The following RBFOX1 variants were observed in gnomAD, a reference collection of about 807,000 sequenced individuals.
The protein encoded by RBFOX1 is RNA binding fox-1 homolog 1, also known as RNA binding protein fox-1 homolog 1.
In RBFOX1, 8 loss-of-function variants were observed where a neutral mutation model predicts 57.7. The ratio of observed to expected loss-of-function variants is 0.14; its 90% confidence interval spans 0.08 to 0.25. The LOEUF is 0.25. RBFOX1 is among the 10% of genes least tolerant of loss of function. The pLI is 1.00. For missense variants in RBFOX1, 611 were observed against 548.5 expected (o/e 1.11, Z -1.14); for synonymous variants, 326 against 222.4 (o/e 1.47, Z -4.15).
chr16:7,343,515 A>C (rs1423411386), intron 4 of RBFOX1, among the ~76,000 whole-genome samples: 1 of 152,202 alleles, frequency 6.6e-6, no homozygotes. Context: ...ACACAGCAGC[A>C]TAAATTCATA....
chr16:6,604,466 A>T (rs1328823439), intron 2 of RBFOX1, among the ~76,000 whole-genome samples: 2 of 152,138 alleles, frequency 1.3e-5, no homozygotes, highest in African/African-American at 2.4e-5. Flanking sequence ...TTATATAAGA[A>T]AGTATCTGTA....
chr16:7,064,763 C>G (rs1252253532), intron 4 of RBFOX1, among the ~76,000 whole-genome samples: 1 of 152,124 alleles, frequency 6.6e-6, no homozygotes, highest in Admixed American at 6.6e-5. Context: ...AATGAACAAC[C>G]AACTAACCAA....
chr16:6,064,655 C>A (rs898001264), intron 1 of RBFOX1, among the ~76,000 whole-genome samples: 7 of 152,108 alleles, frequency 4.6e-5, no homozygotes, highest in African/African-American at 7.2e-5. Context: ...ATTCTCCTGC[C>A]TCAGCCTCCC....
At chr16:6,112,051 A>T (rs1462888632) in intron 1 of RBFOX1, among the ~76,000 whole-genome samples, 1 of 152,184 alleles carries the variant, frequency 6.6e-6, no homozygotes, top group African/African-American at 2.4e-5. Context: ...TATAGATTGA[A>T]TGAAGTATTT....
intron 2 of RBFOX1, among the ~76,000 whole-genome samples, chr16:6,554,098 A>C (rs780345802): frequency 1.2e-4 from 19 of 152,224 alleles, no homozygotes; most frequent in Non-Finnish European, 2.5e-4. Flanking sequence ...TGTCTGTGCA[A>C]AATGAAAATA....
At chr16:7,421,333 A>G (rs545208480) in intron 4 of RBFOX1, among the ~76,000 whole-genome samples, 1 of 152,202 alleles carries the variant, frequency 6.6e-6, no homozygotes, top group South Asian at 2.1e-4. Context: ...CTTCTGGTTG[A>G]TTCTTAAACT....
chr16:5,591,883 C>T (rs545934470), intron 2 of RBFOX1, among the ~76,000 whole-genome samples: 8 of 152,156 alleles, frequency 5.3e-5, no homozygotes, highest in South Asian at 2.1e-4. Context: ...AGCAGACACT[C>T]GAAAAATGGA....
At chr16:7,119,332 C>A (rs76679942) in intron 4 of RBFOX1, among the ~76,000 whole-genome samples, 2,866 of 152,182 alleles carry the variant, frequency 0.019, 31 homozygotes, top group African/African-American at 0.024. Flanking sequence ...ATTGAGTCAT[C>A]AGACTTGTGG....
intron 1 of RBFOX1, among the ~76,000 whole-genome samples, chr16:6,308,645 G>T (rs1341250728): frequency 2.6e-5 from 4 of 152,176 alleles, no homozygotes; most frequent in Non-Finnish European, 5.9e-5. Flanking sequence ...GAGCCAGAGA[G>T]GCAGTTTTTT....
chr16:7,080,059 T>TTATATATATACATATATACATATG (rs2058945324), intron 4 of RBFOX1, among the ~76,000 whole-genome samples: 1 of 135,244 alleles, frequency 7.4e-6, no homozygotes, highest in South Asian at 2.2e-4. Flanking sequence ...TATATACATA[T>TTATATATATACATATATACATATG]TATATATATA....
chr16:7,335,031 C>G (rs897047230), intron 4 of RBFOX1, among the ~76,000 whole-genome samples: 3 of 152,166 alleles, frequency 2.0e-5, no homozygotes, highest in African/African-American at 4.8e-5. Context: ...CAGAGAGAAA[C>G]TGGCTTTACT....
intron 2 of RBFOX1, among the ~76,000 whole-genome samples, chr16:6,612,863 A>AATAATAATAAT (rs1555612744): frequency 1.5e-5 from 2 of 132,242 alleles, no homozygotes; most frequent in African/African-American, 5.8e-5. Flanking sequence ...AAAAAAAAAA[A>AATAATAATAAT]AATAATAATA....
At chr16:6,231,608 C>G (rs2097460821) in intron 1 of RBFOX1, among the ~76,000 whole-genome samples, 1 of 152,180 alleles carries the variant, frequency 6.6e-6, no homozygotes, top group Non-Finnish European at 1.5e-5. Flanking sequence ...ATTGCCTGTT[C>G]TGAATGGTTG....
At chr16:6,866,541 ATTT>A (rs56678526) in intron 3 of RBFOX1, among the ~76,000 whole-genome samples, 1 of 78,876 alleles carries the variant, frequency 1.3e-5, no homozygotes, top group African/African-American at 5.6e-5. Flanking sequence ...CTTTCCTTCT[ATTT>A]TTTTTTTTTT....
At chr16:5,918,233 C>A (rs758188430) in intron 4 of RBFOX1, among the ~76,000 whole-genome samples, 1 of 152,196 alleles carries the variant, frequency 6.6e-6, no homozygotes, top group African/African-American at 2.4e-5. Context: ...GATTCTCCTG[C>A]CTCAGCCTCC....
chr16:5,796,988 A>T (rs1295568776), intron 3 of RBFOX1, among the ~76,000 whole-genome samples: 4 of 152,206 alleles, frequency 2.6e-5, no homozygotes, highest in African/African-American at 9.6e-5. Context: ...GTGCAGGAGA[A>T]CTACAGAAAA....
chr16:7,164,736 G>C (rs1017144140), intron 4 of RBFOX1, among the ~76,000 whole-genome samples: 6 of 152,166 alleles, frequency 3.9e-5, no homozygotes, highest in African/African-American at 1.4e-4. Context: ...ATAGAAGTCT[G>C]TTGTTAAGGT....
rs141982878 is a variant in RBFOX1, at chr16:6,963,381, A to AAC, written c.-15-88663_-15-88662dup. ...ATCGAACCTCTATTTTTAGAATTAAAACACACACACACACTTGAAATAAAA... is the reference window on the plus strand; with the variant it reads ...ATCGAACCTCTATTTTTAGAATTAAAACACACACACACACACTTGAAATAAAA... On this transcript the variant is annotated intron_variant, in intron 3 of 15. Coordinates refer to ENST00000550418, the MANE Select transcript of RBFOX1 (RefSeq NM_018723.4). Among the ~76,000 whole-genome samples, 254 of 152,134 alleles carry AAC rather than the reference A, an allele frequency of 1.7e-3. 5 individuals are homozygous for AAC. Among genetic ancestry groups the AAC allele is most frequent in the African/African-American group, 5.4e-3 (223 of 41,494 alleles).
At chr16:7,114,829 T>C (rs1331717498) in intron 4 of RBFOX1, among the ~76,000 whole-genome samples, 2 of 152,182 alleles carry the variant, frequency 1.3e-5, no homozygotes, top group Non-Finnish European at 2.9e-5. Context: ...GTAGTGGTTT[T>C]CATGAAGCCA....
Sources: gnomAD v4.1 joint callset for allele counts (sites outside exome capture counted in the v4.1 genomes callset) on GRCh38, gnomAD v4.1.1 for gene constraint, MANE v1.5 for transcripts, NCBI Gene and HGNC (gene_info 2026-07-23, HGNC 2026-07-21) for gene names.